The following KCNC2 variants were observed in gnomAD, a reference collection of about 807,000 sequenced individuals.
KCNC2 encodes the protein potassium voltage-gated channel subfamily C member 2, also known as voltage-gated potassium channel KCNC2.
A neutral mutation model predicts 44.5 loss-of-function variants in KCNC2; 21 were observed. The observed-to-expected ratio is 0.47, with a 90% CI of 0.33 to 0.68. KCNC2 has a LOEUF of 0.68. Among genes scored for constraint, KCNC2 ranks in the 30% least tolerant of loss-of-function variants. The probability of loss-of-function intolerance (pLI) is 0.01; values close to 1 mark genes in which losing one functional copy is unlikely to be tolerated. For synonymous variants in KCNC2, 391 were observed against 339.1 expected (o/e 1.15, Z -1.68); for missense variants, 589 against 826.2 (o/e 0.71, Z 3.52).
chr12:75,067,635 A>C (rs1882967274), intron 2 of KCNC2, among the ~76,000 whole-genome samples: 1 of 152,102 alleles, frequency 6.6e-6, no homozygotes, highest in Non-Finnish European at 1.5e-5. Context: ...ATAATATCCA[A>C]AATCTTCTAT....
intron 2 of KCNC2, among the ~76,000 whole-genome samples, chr12:75,088,697 C>T (rs905304553): frequency 4.2e-5 from 6 of 144,132 alleles, no homozygotes; most frequent in Non-Finnish European, 7.5e-5. Flanking sequence ...GATTTGTACC[C>T]TTACCATACA....
At position 75,134,102 on chromosome 12, in the gene KCNC2, T is replaced by C. The variant is rs868022714; in HGVS notation, c.687+73195A>G. Among the ~76,000 whole-genome samples, 29 of 152,096 alleles carry C rather than the reference T, an allele frequency of 1.9e-4. 1 individual carries two copies. Among genetic ancestry groups the C allele is most frequent in the African/African-American group, 6.7e-4 (28 of 41,540 alleles). ...TCACACAAATGAAAAGCAATCTATC[T>C]ATTATGGTATCCAGTGATAATTAAA... On this transcript the variant is annotated intron_variant, in intron 2 of 4. Coordinates refer to ENST00000549446, the MANE Select transcript of KCNC2 (RefSeq NM_139137.4).
rs1437152242 is a variant in KCNC2 at position 75,042,844 on chromosome 12, ACTAT to A, written c.*257_*260del. 5.4e-6 allele frequency: 7 copies of A among 1,286,406 alleles called. No homozygotes were observed. The African/African-American group carries it at 7.6e-5, about 14-fold the overall frequency. The allele number at this position is 1,286,406 out of a possible 1,614,324, so 79.7% of individuals were successfully genotyped here. A position where few individuals can be genotyped will look rare whatever the true frequency, so the allele number is the denominator to read the frequency against. ...ATTAGTGCACTGGTCAATATCTGAC[ACTAT>A]CTGTCATTTTATTGCAAAAGGATAT... On this transcript the variant is annotated 3_prime_UTR_variant, in exon 5 of 5. Transcript: ENST00000549446.
At chr12:75,132,240 T>TA (rs561129281) in intron 2 of KCNC2, among the ~76,000 whole-genome samples, 74 of 152,166 alleles carry the variant, frequency 4.9e-4, no homozygotes, top group African/African-American at 1.7e-3. Context: ...ATAATAAATA[T>TA]AAAAAAATTA....
chr12:75,154,633 C>A (rs1890633610), intron 2 of KCNC2, among the ~76,000 whole-genome samples: 2 of 152,000 alleles, frequency 1.3e-5, no homozygotes, highest in Non-Finnish European at 2.9e-5. Flanking sequence ...TAGATGCCAT[C>A]ATATTTTAAA....
Position 75,045,216 on chromosome 12 carries a change from G to A in KCNC2, c.1781-1975C>T, listed in dbSNP as rs1017787833. ...CATCATCACACAGATTTACAACTCTGTTCTCTACAATCTCCTTGCTCCTAC... is the reference window on the plus strand; with the variant it reads ...CATCATCACACAGATTTACAACTCTATTCTCTACAATCTCCTTGCTCCTAC... On this transcript the variant is annotated intron_variant, in intron 4 of 4. Coordinates refer to ENST00000549446, the MANE Select transcript of KCNC2 (RefSeq NM_139137.4). 7.3e-4 allele frequency among the ~76,000 whole-genome samples: 111 copies of A among 151,906 alleles called. 1 individual carries two copies. The highest frequency in any genetic ancestry group is 7.0e-3 in the Admixed American group (107 of 15,204).
At chr12:75,181,193 T>TACA (rs1403387879) in intron 2 of KCNC2, among the ~76,000 whole-genome samples, 1 of 152,142 alleles carries the variant, frequency 6.6e-6, no homozygotes, top group Non-Finnish European at 1.5e-5. Context: ...AGATTCCAGG[T>TACA]ACAAGGTTGA....
chr12:75,083,188 T>A (rs1884666728), intron 2 of KCNC2, among the ~76,000 whole-genome samples: 1 of 151,632 alleles, frequency 6.6e-6, no homozygotes, highest in East Asian at 1.9e-4. Context: ...AAAATAAAGA[T>A]CACCATAATT....
intron 2 of KCNC2, among the ~76,000 whole-genome samples, chr12:75,065,733 T>G (rs1330561152): frequency 6.6e-6 from 1 of 152,070 alleles, no homozygotes; most frequent in Non-Finnish European, 1.5e-5. Context: ...CACTCTGGGG[T>G]GTTCACACAT....
At chr12:75,165,626 A>C (rs1891398356) in intron 2 of KCNC2, among the ~76,000 whole-genome samples, 1 of 151,498 alleles carries the variant, frequency 6.6e-6, no homozygotes. Flanking sequence ...ATGGAGAACA[A>C]TGATTCAAGA....
intron 2 of KCNC2, among the ~76,000 whole-genome samples, chr12:75,096,798 T>C (rs1300916452): frequency 2.6e-5 from 4 of 152,212 alleles, no homozygotes; most frequent in East Asian, 1.9e-4. Flanking sequence ...GAATAGCTTG[T>C]AATCAAGCAG....
At chr12:75,184,882 C>T (rs1260253822) in intron 2 of KCNC2, among the ~76,000 whole-genome samples, 1 of 152,138 alleles carries the variant, frequency 6.6e-6, no homozygotes, top group East Asian at 1.9e-4. Flanking sequence ...ATGGTGGTTA[C>T]TTGCCTACTC....
chr12:75,161,772 C>A (rs1309207660), intron 2 of KCNC2, among the ~76,000 whole-genome samples: 1 of 151,722 alleles, frequency 6.6e-6, no homozygotes, highest in African/African-American at 2.4e-5. Context: ...TATATTTACT[C>A]TCAATTTTCT....
intron 2 of KCNC2, among the ~76,000 whole-genome samples, chr12:75,061,004 GT>G (rs757580710): frequency 3.3e-5 from 5 of 151,982 alleles, no homozygotes; most frequent in Non-Finnish European, 5.9e-5. Context: ...TTGAAATCTG[GT>G]CAAAATTAAC....
intron 2 of KCNC2, among the ~76,000 whole-genome samples, chr12:75,073,334 G>A (rs1883604932): frequency 6.6e-6 from 1 of 152,140 alleles, no homozygotes. Flanking sequence ...TGATTGTTAA[G>A]TGGGAAATAC....
intron 2 of KCNC2, among the ~76,000 whole-genome samples, chr12:75,096,396 T>C (rs896341014): frequency 4.6e-5 from 7 of 152,108 alleles, no homozygotes. Context: ...TCTTCTGCTA[T>C]AGCATTTATC....
chr12:75,062,640 T>G (rs1882456598), intron 2 of KCNC2, among the ~76,000 whole-genome samples: 2 of 152,058 alleles, frequency 1.3e-5, no homozygotes, highest in African/African-American at 4.8e-5. Context: ...GTGCTTCCTT[T>G]CCCAGATTTT....
At chr12:75,172,295 C>A (rs572274859) in intron 2 of KCNC2, among the ~76,000 whole-genome samples, 1 of 151,636 alleles carries the variant, frequency 6.6e-6, no homozygotes, top group Non-Finnish European at 1.5e-5. Flanking sequence ...GGGAAGATGG[C>A]GGGGAAGGAC....
chr12:75,076,390 A>T (rs1465879954), intron 2 of KCNC2, among the ~76,000 whole-genome samples: 1 of 152,040 alleles, frequency 6.6e-6, no homozygotes, highest in Non-Finnish European at 1.5e-5. Context: ...CTCCTGCCTC[A>T]GCCTCCAGAG....
Sources: allele counts gnomAD v4.1 joint callset (sites outside exome capture counted in the v4.1 genomes callset), GRCh38; gene constraint gnomAD v4.1.1; transcripts MANE v1.5; gene names NCBI Gene and HGNC (gene_info 2026-07-23, HGNC 2026-07-21).